DENND4A: variants seen among roughly 807,000 people sequenced by gnomAD.
The protein encoded by DENND4A is DENN domain containing 4A, also known as C-myc promoter-binding protein.
Under a neutral mutation model 199.3 loss-of-function variants are expected in DENND4A, and 70 were observed. That is an observed-to-expected ratio of 0.35 (90% CI 0.29 to 0.43). The LOEUF is 0.43. DENND4A is among the 20% of genes least tolerant of loss of function. DENND4A has a pLI of 1.00. For missense variants in DENND4A, 1,723 were observed against 2,255.8 expected (o/e 0.76, Z 4.78); for synonymous variants, 686 against 766.9 (o/e 0.89, Z 1.74).
intron 32 of DENND4A, among the ~76,000 whole-genome samples, chr15:65,663,198 A>T (rs12904239): frequency 0.49 from 55,354 of 111,832 alleles, 13,464 homozygotes; most frequent in Non-Finnish European, 0.55. Flanking sequence ...ATATATATAT[A>T]TTTTTTTTTT....
chr15:65,750,259 G>T (rs145121315), intron 4 of DENND4A, among the ~76,000 whole-genome samples: 2 of 151,996 alleles, frequency 1.3e-5, no homozygotes, highest in Non-Finnish European at 2.9e-5. Flanking sequence ...GCATTTTCTC[G>T]CTTATAAGTG....
rs1343802916 is a variant in DENND4A, at chr15:65,691,003, A to G, written c.3591T>C (p.Phe1197=). The G allele has an allele frequency of 6.2e-7, 1 of 1,609,842 alleles. No homozygotes were observed. The highest frequency in any genetic ancestry group is 1.7e-5 in the Admixed American group (1 of 59,228). The change falls in exon 23 of 33, where the codon TTT becomes TTC. Residue 1197 remains phenylalanine, a synonymous_variant. Transcript: ENST00000443035. ...PKRIQRMNSS[F]SVKPFEKTDV... ...CAGTTTTTTCAAAAGGTTTTACTGAAAAGCTGCTGTTCATACGTTGAATCC... is the reference window on the plus strand; with the variant it reads ...CAGTTTTTTCAAAAGGTTTTACTGAGAAGCTGCTGTTCATACGTTGAATCC...
At chr15:65,686,882 T>A (rs1051050660) in intron 23 of DENND4A, among the ~76,000 whole-genome samples, 8 of 151,174 alleles carry the variant, frequency 5.3e-5, no homozygotes, top group Admixed American at 1.3e-4. Context: ...AAAAAAAAAA[T>A]TGTACAGACA....
intron 15 of DENND4A, 129 bp downstream of exon 15, chr15:65,705,962 G>A: frequency 7.5e-7 from 1 of 1,326,964 alleles, no homozygotes; most frequent in Non-Finnish European, 9.7e-7. Flanking sequence ...GGATAAGCTT[G>A]CTTACCACCT....
chr15:65,770,199 A>G (rs1448834679), intron 1 of DENND4A, among the ~76,000 whole-genome samples: 1 of 152,190 alleles, frequency 6.6e-6, no homozygotes, highest in Non-Finnish European at 1.5e-5. Flanking sequence ...AAAAGGCACA[A>G]AGCTGTATTT....
At position 65,708,089 on chromosome 15, in the gene DENND4A, T is replaced by C. The variant is rs117037165; in HGVS notation, c.1954-1865A>G. 5.3e-5 allele frequency among the ~76,000 whole-genome samples: 8 copies of C among 151,634 alleles called. No individual in the cohort carries two copies. The East Asian group carries it at 1.4e-3, about 26-fold the overall frequency. On this transcript the variant is annotated intron_variant, in intron 14 of 32. Coordinates refer to ENST00000443035, the MANE Select transcript of DENND4A (RefSeq NM_001320835.1). ...ACAGCTTGCTGCAACCTCAAACTCC[T>C]AGGCTCAAGTGATCCTCCTGCCTTA...
chr15:65,754,432 T>G (rs1385949007), intron 3 of DENND4A, among the ~76,000 whole-genome samples: 1 of 152,304 alleles, frequency 6.6e-6, no homozygotes, highest in Non-Finnish European at 1.5e-5. Context: ...CTGAGCCTTA[T>G]AGTCAGCTAT....
At chr15:65,746,728 T>C (rs1470039694) in intron 4 of DENND4A, among the ~76,000 whole-genome samples, 1 of 151,892 alleles carries the variant, frequency 6.6e-6, no homozygotes, top group Non-Finnish European at 1.5e-5. Flanking sequence ...CTGACATTCT[T>C]GGACAGTTGT....
intron 4 of DENND4A, among the ~76,000 whole-genome samples, chr15:65,747,911 G>C (rs188816802): frequency 1.1e-4 from 17 of 151,152 alleles, no homozygotes; most frequent in Middle Eastern, 3.4e-3. Flanking sequence ...GTGGTGGCGC[G>C]CGCCTGTAAT....
At position 65,756,485 on chromosome 15, in the gene DENND4A, T is replaced by TA. The variant is rs561593646; in HGVS notation, c.-22-14dup. 6.5e-7 allele frequency: 1 copy of TA among 1,550,052 alleles called. No individual in the cohort carries two copies. The highest frequency in any genetic ancestry group is 1.3e-5 in the South Asian group (1 of 79,632). ...CAGAAGGTTACATCTAAAAGGAAAG[T>TA]AAAAGACTAGTACTCCCCTATAATA... On this transcript the variant is annotated splice_polypyrimidine_tract_variant and intron_variant, in intron 2 of 32. Transcript: ENST00000443035.
intron 5 of DENND4A, among the ~76,000 whole-genome samples, chr15:65,739,555 A>C (rs1426062861): frequency 6.6e-6 from 1 of 152,200 alleles, no homozygotes; most frequent in Non-Finnish European, 1.5e-5. Context: ...TAGAAACAGA[A>C]AATAGGTTCC....
intron 1 of DENND4A, among the ~76,000 whole-genome samples, chr15:65,778,679 A>C (rs1332404583): frequency 6.6e-6 from 1 of 151,580 alleles, no homozygotes; most frequent in Admixed American, 6.6e-5. Flanking sequence ...CGGGCGGATC[A>C]CGAGGTCAGG....
chr15:65,665,957 A>G (rs2076022304), intron 29 of DENND4A, among the ~76,000 whole-genome samples: 1 of 152,220 alleles, frequency 6.6e-6, no homozygotes, highest in Admixed American at 6.5e-5. Context: ...AAGTAAAGAC[A>G]CTTTTATAAA....
chr15:65,696,543 C>T (rs370675754), intron 21 of DENND4A, 46 bp from the exon 22 acceptor site: 91 of 1,469,526 alleles, frequency 6.2e-5, no homozygotes, highest in Admixed American at 7.6e-5. Context: ...AATCTATATA[C>T]ACTGTAGGAG....
intron 14 of DENND4A, among the ~76,000 whole-genome samples, chr15:65,706,546 G>A (rs1281164871): frequency 1.3e-5 from 2 of 151,464 alleles, no homozygotes; most frequent in African/African-American, 4.9e-5. Context: ...CGCCAGGATG[G>A]AGTGCAGTGG....
chr15:65,740,767 C>T (rs888446124), intron 5 of DENND4A, among the ~76,000 whole-genome samples: 21 of 151,678 alleles, frequency 1.4e-4, no homozygotes, highest in African/African-American at 3.6e-4. Flanking sequence ...TTAAGACCAA[C>T]CTGGGCAACC....
chr15:65,791,343 T>A (rs1026101172), intron 1 of DENND4A, among the ~76,000 whole-genome samples: 19 of 152,218 alleles, frequency 1.2e-4, no homozygotes, highest in African/African-American at 4.6e-4. Context: ...AAGCTGTCGC[T>A]GCGACCCAAT....
chr15:65,709,719 A>AATATATATATATATATAT (rs1555422997), intron 14 of DENND4A, among the ~76,000 whole-genome samples: 3 of 51,466 alleles, frequency 5.8e-5, no homozygotes, highest in African/African-American at 2.0e-4. Context: ...AAAAAAAAAA[A>AATATATATATATATATAT]ATATATATAT....
intron 1 of DENND4A, among the ~76,000 whole-genome samples, chr15:65,787,563 T>C (rs996154216): frequency 6.6e-6 from 1 of 152,124 alleles, no homozygotes; most frequent in African/African-American, 2.4e-5. Flanking sequence ...TAGATGAATA[T>C]ATACCCAGCC....
Sources: gnomAD v4.1 joint callset for allele counts (sites outside exome capture counted in the v4.1 genomes callset) on GRCh38, gnomAD v4.1.1 for gene constraint, MANE v1.5 for transcripts, NCBI Gene and HGNC (gene_info 2026-07-23, HGNC 2026-07-21) for gene names.